The following GABRR2 variants were observed in gnomAD, a reference collection of about 807,000 sequenced individuals.
GABRR2 encodes the protein gamma-aminobutyric acid receptor subunit rho-2.
GABRR2 carries 36 observed loss-of-function variants against 47.0 expected under a neutral mutation model. The observed-to-expected ratio is 0.77, with a 90% CI of 0.59 to 1.01. The LOEUF (loss-of-function observed/expected upper bound fraction) is 1.01, where lower values mean the gene tolerates loss of function less well. GABRR2 is among the 50% of genes least tolerant of loss of function. The probability of loss-of-function intolerance (pLI) is 0.00; values close to 1 mark genes in which losing one functional copy is unlikely to be tolerated. For synonymous variants in GABRR2, 204 were observed against 227.5 expected (o/e 0.90, Z 0.93); for missense variants, 587 against 594.6 (o/e 0.99, Z 0.13).
Position 89,257,635 on chromosome 6 carries a change from GTCTA to G in GABRR2, c.*31_*34del. ...CAATGACTGGCCAGGCCCCCTCGAT[GTCTA>G]TGCCCTCTTCTAGGAACAGCCTTGG... On this transcript the variant is annotated 3_prime_UTR_variant, in exon 9 of 9. Transcript: ENST00000402938. The G allele has an allele frequency of 6.4e-7, 1 of 1,552,352 alleles. No homozygotes were observed. The highest frequency in any genetic ancestry group is 8.8e-7 in the Non-Finnish European group (1 of 1,138,500).
rs551606957 is a variant in GABRR2, at chr6:89,267,857, G to A, written c.596-38C>T. 3.4e-5 allele frequency: 55 copies of A among 1,604,150 alleles called. 1 individual carries two copies. Among genetic ancestry groups the A allele is most frequent in the African/African-American group, 2.0e-4 (15 of 74,688 alleles). On this transcript the variant is annotated intron_variant, in intron 5 of 8. Coordinates refer to ENST00000402938, the MANE Select transcript of GABRR2 (RefSeq NM_002043.5). ...GAAAACAAGTTAATTTGACTCCTTCGCTTCTGATGCAGGGTGAAGTAACAG... is the reference window on the plus strand; with the variant it reads ...GAAAACAAGTTAATTTGACTCCTTCACTTCTGATGCAGGGTGAAGTAACAG...
chr6:89,258,030 A>C (rs367553617), intron 8 of GABRR2, 49 bp from the exon 9 acceptor site: 2 of 1,550,750 alleles, frequency 1.3e-6, no homozygotes, highest in African/African-American at 1.4e-5. Context: ...TGAGGTGGGC[A>C]GAGGAGGGGG....
chr6:89,302,927 T>A, intron 1 of GABRR2: 2 of 1,185,806 alleles, frequency 1.7e-6, no homozygotes, highest in Non-Finnish European at 1.2e-6. Context: ...ACGGACATGT[T>A]CCAGCACAAG....
At chr6:89,294,767 T>A (rs1294641792) in intron 2 of GABRR2, among the ~76,000 whole-genome samples, 1 of 149,672 alleles carries the variant, frequency 6.7e-6, no homozygotes, top group African/African-American at 2.4e-5. Context: ...ATTAGGTATA[T>A]CTCCTAATGC....
chr6:89,313,655 G>A (rs989807643), intron 1 of GABRR2, among the ~76,000 whole-genome samples: 1 of 152,180 alleles, frequency 6.6e-6, no homozygotes, highest in African/African-American at 2.4e-5. Flanking sequence ...GGTGGCTTCT[G>A]CCTGTAATCC....
rs1374881268 is a variant in GABRR2, at chr6:89,265,430, C to G, written c.889+183G>C. Among the ~76,000 whole-genome samples the G allele has an allele frequency of 2.0e-5, 3 of 152,080 alleles. No individual in the cohort carries two copies. The East Asian group carries it at 5.8e-4, about 29-fold the overall frequency. The stretch of plus-strand genomic sequence containing the variant: ...GATGTTGTTTTAGCTCCCTGTGGCT[C>G]TCATAATGTGGAGGAAACTGAGGCC... On this transcript the variant is annotated intron_variant, in intron 7 of 8. Coordinates refer to ENST00000402938, the MANE Select transcript of GABRR2 (RefSeq NM_002043.5).
intron 2 of GABRR2, among the ~76,000 whole-genome samples, chr6:89,277,727 T>C (rs1208387690): frequency 6.6e-6 from 1 of 151,978 alleles, no homozygotes; most frequent in Non-Finnish European, 1.5e-5. Context: ...TCAACCTCAT[T>C]AATAGCTCCA....
chr6:89,286,851 TG>T (rs1459680094), intron 2 of GABRR2, among the ~76,000 whole-genome samples: 2 of 152,118 alleles, frequency 1.3e-5, no homozygotes, highest in Non-Finnish European at 2.9e-5. Context: ...AGAGGGAAGC[TG>T]GGGAAGGGTC....
At chr6:89,290,121 CAA>C (rs1405294690) in intron 2 of GABRR2, among the ~76,000 whole-genome samples, 1 of 152,206 alleles carries the variant, frequency 6.6e-6, no homozygotes, top group Non-Finnish European at 1.5e-5. Flanking sequence ...TCTCTAAAAA[CAA>C]ACTGTAAAAT....
chr6:89,286,066 C>T (rs1243983836), intron 2 of GABRR2, among the ~76,000 whole-genome samples: 1 of 152,114 alleles, frequency 6.6e-6, no homozygotes, highest in Admixed American at 6.6e-5. Flanking sequence ...GACAGTCTTC[C>T]TCCTGGGCCT....
intron 2 of GABRR2, among the ~76,000 whole-genome samples, chr6:89,294,887 G>T (rs1774529986): frequency 6.7e-6 from 1 of 148,828 alleles, no homozygotes; most frequent in African/African-American, 2.5e-5. Flanking sequence ...GAGAACATGT[G>T]GTGTTTGGTT....
At position 89,256,287 on chromosome 6, in the gene GABRR2, T is replaced by C. The variant is rs1773598390; in HGVS notation, c.*1383A>G. Among the ~76,000 whole-genome samples, 1 of 151,584 alleles carries C rather than the reference T, an allele frequency of 6.6e-6. No homozygotes were observed. The highest frequency in any genetic ancestry group is 2.1e-4 in the South Asian group (1 of 4,790). ...TTGGAATTCCCATCTCACACTGAAC[T>C]ATTACTGAGGCACTAAACACTCTTA... is the stretch of plus-strand genomic sequence containing the variant. On this transcript the variant is annotated 3_prime_UTR_variant, in exon 9 of 9. Coordinates refer to ENST00000402938, the MANE Select transcript of GABRR2 (RefSeq NM_002043.5).
rs117194085 is a variant in GABRR2 at position 89,285,832 on chromosome 6, A to G, written c.220+13927T>C. ...CACTGGCGCGCCCCCTCCTTCCCCA[A>G]TGTCCTTGCTGAGTGGCAAGACTTT... On this transcript the variant is annotated intron_variant, in intron 2 of 8. Transcript: ENST00000402938. 7.0e-3 allele frequency among the ~76,000 whole-genome samples: 1,061 copies of G among 151,780 alleles called. 28 individuals are homozygous for G. Among genetic ancestry groups the G allele is most frequent in the East Asian group, 0.031 (160 of 5,162 alleles).
At chr6:89,271,826 T>G in intron 2 of GABRR2, 104 bp from the exon 3 acceptor site, 2 of 858,396 alleles carry the variant, frequency 2.3e-6, no homozygotes, top group South Asian at 1.4e-5. Flanking sequence ...TGGAGCAGAG[T>G]AGGGCAGAGG....
intron 3 of GABRR2, among the ~76,000 whole-genome samples, chr6:89,271,188 G>A (rs909728978): frequency 6.6e-6 from 1 of 152,184 alleles, no homozygotes; most frequent in Non-Finnish European, 1.5e-5. Flanking sequence ...TCCACTGTGA[G>A]CCTTGCAGGA....
intron 2 of GABRR2, among the ~76,000 whole-genome samples, chr6:89,281,143 C>G (rs1330705035): frequency 6.6e-6 from 1 of 152,228 alleles, no homozygotes; most frequent in Non-Finnish European, 1.5e-5. Flanking sequence ...GTGGTTCATA[C>G]CTGTCCTGAC....
intron 1 of GABRR2, among the ~76,000 whole-genome samples, chr6:89,310,514 C>T (rs910086151): frequency 1.3e-5 from 2 of 152,206 alleles, no homozygotes; most frequent in Non-Finnish European, 1.5e-5. Context: ...TCTACCCTCT[C>T]TTTGGCAGAC....
At chr6:89,300,706 C>T (rs1257166505) in intron 1 of GABRR2, among the ~76,000 whole-genome samples, 1 of 128,264 alleles carries the variant, frequency 7.8e-6, no homozygotes, top group Non-Finnish European at 1.6e-5. Flanking sequence ...TAATGAGCTC[C>T]GAAGTTGAAG....
intron 2 of GABRR2, among the ~76,000 whole-genome samples, chr6:89,288,761 C>A (rs1476030523): frequency 6.6e-6 from 1 of 152,082 alleles, no homozygotes; most frequent in Non-Finnish European, 1.5e-5. Context: ...CCCACTTCAA[C>A]CTCCCAAGTG....
Sources: gnomAD v4.1 joint callset for allele counts (sites outside exome capture counted in the v4.1 genomes callset) on GRCh38, gnomAD v4.1.1 for gene constraint, MANE v1.5 for transcripts, NCBI Gene and HGNC (gene_info 2026-07-23, HGNC 2026-07-21) for gene names.